The following TTC34 variants were observed in gnomAD, a reference collection of about 807,000 sequenced individuals.
TTC34 encodes the protein tetratricopeptide repeat domain 34.
TTC34 carries 44 observed loss-of-function variants against 40.7 expected under a neutral mutation model. The observed-to-expected ratio is 1.08, with a 90% CI of 0.85 to 1.39. TTC34 has a LOEUF of 1.39. Ranked by LOEUF, TTC34 falls within the 40% of genes most tolerant of loss-of-function variation. The pLI is 0.00. For missense variants in TTC34, 884 were observed against 838.0 expected (o/e 1.05, Z -0.68); for synonymous variants, 422 against 398.6 (o/e 1.06, Z -0.70).
rs1641479739 is a variant in TTC34 at position 2,755,670 on chromosome 1, T to C, written c.2226+27939A>G. On this transcript the variant is annotated intron_variant, in intron 6 of 8. Coordinates refer to ENST00000401095, the Ensembl canonical transcript of TTC34. ...CTGGAGCAGCACCCACAACCACAGGTGAGCATCTGACATCGTGGAGCAGCA... is the reference window on the plus strand; with the variant it reads ...CTGGAGCAGCACCCACAACCACAGGCGAGCATCTGACATCGTGGAGCAGCA... 1.9e-5 allele frequency among the ~76,000 whole-genome samples: 2 copies of C among 105,512 alleles called. 1 individual carries two copies. Among genetic ancestry groups the C allele is most frequent in the Middle Eastern group, 0.011 (2 of 174 alleles). 69.2% of individuals were successfully genotyped at this position (105,512 alleles called of 152,430 possible). A position where few individuals can be genotyped will look rare whatever the true frequency, so the allele number is the denominator to read the frequency against.
chr1:2,641,887 G>T, exon 9 of TTC34: 2 of 1,482,522 alleles, frequency 1.3e-6, no homozygotes, highest in Non-Finnish European at 1.8e-6. Flanking sequence ...CGGCTTCCTG[G>T]GCCGCCGCCT....
chr1:2,750,581 G>C, intron 6 of TTC34, among the ~76,000 whole-genome samples: 1 of 151,500 alleles, frequency 6.6e-6, no homozygotes, highest in Non-Finnish European at 1.5e-5. Context: ...GTGAGCATCT[G>C]ACATCGTGGA....
At chr1:2,644,453 G>C (rs1426388964) in exon 8 of TTC34, 3 of 1,534,276 alleles carry the variant, frequency 2.0e-6, no homozygotes, top group Non-Finnish European at 2.6e-6. Context: ...CTTTTTCCAG[G>C]TGGGTGCCAG....
chr1:2,773,743 G>T (rs1642741021), intron 6 of TTC34: 1 of 136,638 alleles, frequency 7.3e-6, no homozygotes. Flanking sequence ...TACAGCCCCA[G>T]GTGACCATCT....
intron 2 of TTC34, among the ~76,000 whole-genome samples, chr1:2,794,176 T>A (rs1429091527): frequency 6.6e-6 from 1 of 152,070 alleles, no homozygotes; most frequent in Non-Finnish European, 1.5e-5. Flanking sequence ...TTTTGTATTT[T>A]AAAAATTTTT....
At chr1:2,695,714 AC>A (rs1640831167) in intron 6 of TTC34, among the ~76,000 whole-genome samples, 1 of 65,426 alleles carries the variant, frequency 1.5e-5, no homozygotes. Flanking sequence ...CAGCACCCAC[AC>A]CCCCAGGTGA....
rs1383933947 is a variant in TTC34 at position 2,750,033 on chromosome 1, C to A, written c.2226+33576G>T. ...CAGGCGAGCATCCGACAGCCTGGAGCAGCACCCACACCCTCAGGTGAGCAT... is the reference window on the plus strand; with the variant it reads ...CAGGCGAGCATCCGACAGCCTGGAGAAGCACCCACACCCTCAGGTGAGCAT... On this transcript the variant is annotated intron_variant, in intron 6 of 8. Transcript: ENST00000401095. 4.0e-5 allele frequency among the ~76,000 whole-genome samples: 4 copies of A among 99,738 alleles called. 1 individual carries two copies. The highest frequency in any genetic ancestry group is 7.6e-5 in the Non-Finnish European group (4 of 52,702). 65.4% of individuals were successfully genotyped at this position (99,738 alleles called of 152,430 possible).
At chr1:2,750,106 C>T (rs1246756780) in intron 6 of TTC34, among the ~76,000 whole-genome samples, 4 of 117,638 alleles carry the variant, frequency 3.4e-5, no homozygotes, top group Non-Finnish European at 4.1e-5. Flanking sequence ...ATCTGACAGC[C>T]TGGAACAGCA....
intron 6 of TTC34, among the ~76,000 whole-genome samples, chr1:2,682,623 C>A (rs1640129844): frequency 6.1e-5 from 9 of 148,072 alleles, no homozygotes; most frequent in Non-Finnish European, 1.1e-4. Context: ...GGAGCAGCAC[C>A]CACGCCCCCA....
At chr1:2,757,091 GTAACAGCACCCACACCCCCAGGTAA>G (rs1641532564) in intron 6 of TTC34, among the ~76,000 whole-genome samples, 1 of 129,090 alleles carries the variant, frequency 7.7e-6, no homozygotes, top group Non-Finnish European at 1.6e-5. Context: ...CTGACTGCAT[GTAACAGCACCCACACCCCCAGGTAA>G]GCATCTGACA....
chr1:2,657,716 T>C (rs1168575365), intron 6 of TTC34, among the ~76,000 whole-genome samples: 2 of 55,760 alleles, frequency 3.6e-5, no homozygotes, highest in African/African-American at 1.1e-4. Flanking sequence ...GGCGAGCATC[T>C]GACAGCCTGG....
intron 6 of TTC34, among the ~76,000 whole-genome samples, chr1:2,683,919 G>C (rs961858257): frequency 2.0e-5 from 3 of 147,392 alleles, no homozygotes; most frequent in South Asian, 2.1e-4. Flanking sequence ...CACACCTCCA[G>C]GTGAGCATCT....
At chr1:2,688,369 CG>C (rs1640469351) in intron 6 of TTC34, among the ~76,000 whole-genome samples, 1 of 95,434 alleles carries the variant, frequency 1.0e-5, no homozygotes, top group African/African-American at 4.0e-5. Flanking sequence ...AGCACCCACA[CG>C]CCCAGGTGAG....
At chr1:2,759,501 C>A (rs1641621111) in intron 6 of TTC34, among the ~76,000 whole-genome samples, 1 of 127,602 alleles carries the variant, frequency 7.8e-6, no homozygotes, top group African/African-American at 3.2e-5. Flanking sequence ...ATCGGGCAGC[C>A]TGGAGCAGCA....
chr1:2,656,411 C>A (rs1411180101), intron 6 of TTC34, among the ~76,000 whole-genome samples: 1 of 67,466 alleles, frequency 1.5e-5, no homozygotes, highest in Non-Finnish European at 2.9e-5. Flanking sequence ...TAACAGCACC[C>A]ACACCCCCAG....
At chr1:2,782,907 C>A (rs1464069521) in intron 6 of TTC34, among the ~76,000 whole-genome samples, 1 of 152,154 alleles carries the variant, frequency 6.6e-6, no homozygotes, top group Non-Finnish European at 1.5e-5. Context: ...CAGTGTGAGT[C>A]CCTCAGAGTC....
At chr1:2,750,559 C>T in intron 6 of TTC34, among the ~76,000 whole-genome samples, 1 of 152,130 alleles carries the variant, frequency 6.6e-6, no homozygotes, top group South Asian at 2.1e-4. Flanking sequence ...GGGGCAGCAC[C>T]CACACCCCCA....
At chr1:2,778,151 A>G (rs981391646) in intron 6 of TTC34, among the ~76,000 whole-genome samples, 3 of 152,254 alleles carry the variant, frequency 2.0e-5, no homozygotes, top group African/African-American at 4.8e-5. Context: ...AGCAGCAAGC[A>G]TGGCCTCTGG....
chr1:2,651,124 C>G (rs897841529), intron 6 of TTC34, among the ~76,000 whole-genome samples: 1 of 151,808 alleles, frequency 6.6e-6, no homozygotes, highest in Non-Finnish European at 1.5e-5. Context: ...AGGTGAGCAA[C>G]TTTGCAGCCT....
Sources: allele counts gnomAD v4.1 joint callset (sites outside exome capture counted in the v4.1 genomes callset), GRCh38; gene constraint gnomAD v4.1.1; transcripts MANE v1.5; gene names NCBI Gene and HGNC (gene_info 2026-07-23, HGNC 2026-07-21).